NAALADL2: variants seen among roughly 807,000 people sequenced by gnomAD.
NAALADL2 encodes the protein inactive N-acetylated-alpha-linked acidic dipeptidase-like protein 2.
A neutral mutation model predicts 87.2 loss-of-function variants in NAALADL2; 76 were observed. The ratio of observed to expected loss-of-function variants is 0.87; its 90% CI spans 0.72 to 1.05. The LOEUF is 1.05. Ranked by LOEUF, NAALADL2 falls within the 50% of genes least tolerant of loss-of-function variation. NAALADL2 has a pLI of 0.00. For synonymous variants in NAALADL2, 354 were observed against 331.0 expected, an observed-to-expected ratio of 1.07 and a Z score of -0.75; for missense variants, 1,089 against 945.8, an observed-to-expected ratio of 1.15 and a Z score of -1.99.
chr3:175,003,242 G>A (rs1389441017), intron 1 of NAALADL2, among the ~76,000 whole-genome samples: 2 of 152,054 alleles, frequency 1.3e-5, no homozygotes, highest in Non-Finnish European at 2.9e-5. Flanking sequence ...TCTAGGTTGG[G>A]CACTGTGGTT....
At chr3:174,965,763 A>G (rs1742779657) in intron 1 of NAALADL2, among the ~76,000 whole-genome samples, 1 of 152,094 alleles carries the variant, frequency 6.6e-6, no homozygotes, top group Non-Finnish European at 1.5e-5. Context: ...AGGAAGTTAG[A>G]GAATGGTGGG....
chr3:175,711,525 A>G (rs1740528674), intron 11 of NAALADL2, among the ~76,000 whole-genome samples: 1 of 151,910 alleles, frequency 6.6e-6, no homozygotes, highest in Non-Finnish European at 1.5e-5. Context: ...ATTTATTCAC[A>G]AAAGACAACC....
At chr3:175,310,183 C>T (rs1426311849) in intron 4 of NAALADL2, among the ~76,000 whole-genome samples, 1 of 152,012 alleles carries the variant, frequency 6.6e-6, no homozygotes, top group Non-Finnish European at 1.5e-5. Flanking sequence ...TACCCACCAG[C>T]CTTGGAGGAG....
chr3:174,455,668 A>G (rs1322461995), intron 1 of NAALADL2, among the ~76,000 whole-genome samples: 1 of 152,186 alleles, frequency 6.6e-6, no homozygotes, highest in Non-Finnish European at 1.5e-5. Flanking sequence ...ATAAAATTCA[A>G]CACCCCTTCA....
At chr3:175,332,204 C>A (rs1021239121) in intron 5 of NAALADL2, among the ~76,000 whole-genome samples, 1 of 151,982 alleles carries the variant, frequency 6.6e-6, no homozygotes, top group Non-Finnish European at 1.5e-5. Context: ...ATTGTTTCTA[C>A]AGAATTAGAA....
intron 2 of NAALADL2, among the ~76,000 whole-genome samples, chr3:175,189,863 A>G (rs1460097285): frequency 6.6e-6 from 1 of 152,200 alleles, no homozygotes; most frequent in Admixed American, 6.5e-5. Flanking sequence ...TGGAATATAA[A>G]CAGACACAGG....
intron 5 of NAALADL2, among the ~76,000 whole-genome samples, chr3:175,431,640 G>T (rs1261750011): frequency 1.3e-5 from 2 of 152,000 alleles, no homozygotes; most frequent in Non-Finnish European, 2.9e-5. Context: ...GTAACGTGTG[G>T]ACTATGACCA....
chr3:175,525,122 A>C (rs1335584898), intron 9 of NAALADL2, among the ~76,000 whole-genome samples: 1 of 152,138 alleles, frequency 6.6e-6, no homozygotes, highest in East Asian at 1.9e-4. Context: ...AAATGTATAT[A>C]GATAATAGTT....
chr3:174,575,390 G>A (rs996111325), intron 2 of NAALADL2, among the ~76,000 whole-genome samples: 2 of 152,116 alleles, frequency 1.3e-5, no homozygotes, highest in East Asian at 3.9e-4. Context: ...TACTTTGTGA[G>A]CAATTCTTTA....
At chr3:175,324,413 G>A (rs1760425803) in intron 5 of NAALADL2, 88 bp downstream of exon 5, 1 of 1,010,212 alleles carries the variant, frequency 9.9e-7, no homozygotes, top group Non-Finnish European at 1.4e-6. Flanking sequence ...CAGGAATAGT[G>A]ATGTCAAATA....
chr3:175,618,949 C>A (rs1378137895), intron 10 of NAALADL2, among the ~76,000 whole-genome samples: 1 of 152,196 alleles, frequency 6.6e-6, no homozygotes, highest in Non-Finnish European at 1.5e-5. Context: ...TCATGCTCAC[C>A]TGGGCTGTGC....
At chr3:174,985,920 C>A (rs948189523) in intron 1 of NAALADL2, among the ~76,000 whole-genome samples, 6 of 151,882 alleles carry the variant, frequency 4.0e-5, no homozygotes, top group South Asian at 2.1e-4. Context: ...CCATTGCACT[C>A]CAGCCTGGGC....
intron 2 of NAALADL2, among the ~76,000 whole-genome samples, chr3:174,668,172 C>T (rs1371745827): frequency 6.6e-6 from 1 of 151,988 alleles, no homozygotes; most frequent in Non-Finnish European, 1.5e-5. Flanking sequence ...CTTCCTTTGT[C>T]TATTTAATTC....
chr3:175,262,996 T>C (rs1478591716), intron 4 of NAALADL2, among the ~76,000 whole-genome samples: 1 of 116,892 alleles, frequency 8.6e-6, no homozygotes, highest in Non-Finnish European at 1.8e-5. Context: ...TCAGAAGTAA[T>C]TGCAAAAAAA....
chr3:175,408,302 TAGTG>T (rs1172391292), intron 5 of NAALADL2, among the ~76,000 whole-genome samples: 2 of 152,038 alleles, frequency 1.3e-5, no homozygotes, highest in Non-Finnish European at 2.9e-5. Context: ...CAAAAAAAGT[TAGTG>T]AGGTGATGAA....
chr3:175,297,900 A>T (rs527383545), intron 4 of NAALADL2, among the ~76,000 whole-genome samples: 2 of 152,304 alleles, frequency 1.3e-5, no homozygotes, highest in East Asian at 3.9e-4. Context: ...ATTGGCACAT[A>T]TGATGAATTC....
At chr3:174,560,329 G>T (rs1369090606) in intron 2 of NAALADL2, among the ~76,000 whole-genome samples, 1 of 152,086 alleles carries the variant, frequency 6.6e-6, no homozygotes, top group African/African-American at 2.4e-5. Context: ...AAGATGACAG[G>T]GCAAGTACTT....
intron 2 of NAALADL2, among the ~76,000 whole-genome samples, chr3:175,134,482 C>A (rs1728773677): frequency 6.6e-6 from 1 of 152,156 alleles, no homozygotes; most frequent in African/African-American, 2.4e-5. Context: ...TGGAAAACAG[C>A]TGCAATGTAT....
chr3:174,922,753 G>T (rs1376602545), intron 1 of NAALADL2, among the ~76,000 whole-genome samples: 1 of 152,126 alleles, frequency 6.6e-6, no homozygotes, highest in Non-Finnish European at 1.5e-5. Context: ...CTATTGAAAT[G>T]AAATGGTGTA....
Sources: gnomAD v4.1 joint callset for allele counts (sites outside exome capture counted in the v4.1 genomes callset) on GRCh38, gnomAD v4.1.1 for gene constraint, MANE v1.5 for transcripts, NCBI Gene and HGNC (gene_info 2026-07-23, HGNC 2026-07-21) for gene names.